The following DNAJB6 variants were observed in gnomAD, a reference collection of about 807,000 sequenced individuals.
DNAJB6 encodes DnaJ heat shock protein family (Hsp40) member B6.
A neutral mutation model predicts 42.7 loss-of-function variants in DNAJB6; 16 were observed. The observed-to-expected ratio is 0.37, with a 90% CI of 0.25 to 0.57. DNAJB6 has a LOEUF of 0.57. Among genes scored for constraint, DNAJB6 ranks in the 20% least tolerant of loss-of-function variants. The probability of loss-of-function intolerance (pLI) is 0.74; values close to 1 mark genes in which losing one functional copy is unlikely to be tolerated. For synonymous variants in DNAJB6, 170 were observed against 163.5 expected, an observed-to-expected ratio of 1.04 and a Z score of -0.30; for missense variants, 347 against 416.8, an observed-to-expected ratio of 0.83 and a Z score of 1.46.
At chr7:157,384,721 C>T (rs1457360043) in intron 6 of DNAJB6, 146 bp from the exon 7 acceptor site, 4 of 749,334 alleles carry the variant, frequency 5.3e-6, no homozygotes, top group East Asian at 2.7e-5. Context: ...AGCACTTCAG[C>T]TGAGGCCTTG....
intron 1 of DNAJB6, among the ~76,000 whole-genome samples, chr7:157,341,112 T>G (rs958377800): frequency 1.3e-5 from 2 of 151,974 alleles, no homozygotes; most frequent in Non-Finnish European, 2.9e-5. Flanking sequence ...GTGAGCCAGG[T>G]GCCTGGCCAG....
intron 1 of DNAJB6, among the ~76,000 whole-genome samples, chr7:157,351,355 A>G (rs60097903): frequency 0.55 from 83,942 of 151,862 alleles, 23,520 homozygotes; most frequent in East Asian, 0.76. Flanking sequence ...TGGGCCGGGC[A>G]CGGTGGCTCA....
At chr7:157,411,594 C>G (rs1385875513) in intron 9 of DNAJB6, 1 of 152,314 alleles carries the variant, frequency 6.6e-6, no homozygotes, top group Non-Finnish European at 1.5e-5. Flanking sequence ...GCTGTAGTGT[C>G]CCTGAACCAC....
At chr7:157,396,011 G>C (rs1030234705) in intron 8 of DNAJB6, among the ~76,000 whole-genome samples, 9 of 149,020 alleles carry the variant, frequency 6.0e-5, no homozygotes, top group Non-Finnish European at 1.3e-4. Flanking sequence ...GCAGTGAAGT[G>C]AACTCGGCTC....
intron 1 of DNAJB6, among the ~76,000 whole-genome samples, chr7:157,342,705 G>C (rs558535113): frequency 6.6e-6 from 1 of 151,964 alleles, no homozygotes; most frequent in Non-Finnish European, 1.5e-5. Context: ...CACCTTCCTC[G>C]ACCTTCCAAA....
At chr7:157,404,068 G>A (rs1364266553) in intron 8 of DNAJB6, among the ~76,000 whole-genome samples, 2 of 149,190 alleles carry the variant, frequency 1.3e-5, no homozygotes, top group African/African-American at 5.0e-5. Flanking sequence ...CTAGGCTCAA[G>A]CCGTCCTCCC....
intron 8 of DNAJB6, among the ~76,000 whole-genome samples, chr7:157,405,414 A>T (rs998542338): frequency 6.6e-6 from 1 of 151,878 alleles, no homozygotes; most frequent in East Asian, 1.9e-4. Flanking sequence ...GTGCATTCCC[A>T]TATCTTGTGA....
At chr7:157,376,515 G>C (rs774293732) in intron 5 of DNAJB6, among the ~76,000 whole-genome samples, 2 of 152,218 alleles carry the variant, frequency 1.3e-5, no homozygotes, top group Non-Finnish European at 2.9e-5. Flanking sequence ...AAGTGACCAT[G>C]CTGGTGACAC....
At chr7:157,351,961 T>C (rs1312817934) in intron 1 of DNAJB6, among the ~76,000 whole-genome samples, 1 of 151,898 alleles carries the variant, frequency 6.6e-6, no homozygotes, top group Non-Finnish European at 1.5e-5. Flanking sequence ...TGCTGCTGCA[T>C]TCCAGCCTGG....
At chr7:157,354,902 T>A (rs1325012855) in intron 1 of DNAJB6, among the ~76,000 whole-genome samples, 1 of 152,044 alleles carries the variant, frequency 6.6e-6, no homozygotes, top group Non-Finnish European at 1.5e-5. Flanking sequence ...ACCAGGTATG[T>A]AGGAGGTGGG....
intron 1 of DNAJB6, among the ~76,000 whole-genome samples, chr7:157,343,671 A>G (rs541327251): frequency 5.4e-4 from 81 of 150,416 alleles, no homozygotes; most frequent in African/African-American, 1.9e-3. Context: ...CTGTTCTCAA[A>G]CTCCTGACCC....
In DNAJB6 at chr7:157,337,215, C is replaced by T. The variant is rs887102779; in HGVS notation, c.-27+71C>T. ...CGCGCGCCCGGCAGACGGCGGACCT[C>T]ACCCGGCGCCTGGCAACAGCGCGGG... On this transcript the variant is annotated intron_variant, in intron 1 of 9. Transcript: ENST00000262177. 49 of 152,408 alleles carry T rather than the reference C, an allele frequency of 3.2e-4. 1 individual carries two copies. The highest frequency in any genetic ancestry group is 1.1e-3 in the African/African-American group (46 of 41,570). 9.4% of individuals were successfully genotyped at this position (152,408 alleles called of 1,614,324 possible). A position where few individuals can be genotyped will look rare whatever the true frequency, so the allele number is the denominator to read the frequency against.
At chr7:157,343,045 G>A (rs1192836854) in intron 1 of DNAJB6, among the ~76,000 whole-genome samples, 1 of 151,492 alleles carries the variant, frequency 6.6e-6, no homozygotes, top group African/African-American at 2.4e-5. Flanking sequence ...AGGCTGGAGT[G>A]CAGCGGCGTG....
chr7:157,354,432 C>T (rs1028283181), intron 1 of DNAJB6, among the ~76,000 whole-genome samples: 6 of 152,128 alleles, frequency 3.9e-5, no homozygotes, highest in African/African-American at 1.4e-4. Context: ...CAGGTGTGAG[C>T]CGCTGTGCCC....
chr7:157,400,098 TAGA>T (rs1214598615), intron 8 of DNAJB6, among the ~76,000 whole-genome samples: 24 of 152,366 alleles, frequency 1.6e-4, no homozygotes, highest in African/African-American at 5.5e-4. Flanking sequence ...AAACATGAAG[TAGA>T]TATTGATCAC....
At chr7:157,365,956 G>A (rs542074363) in intron 3 of DNAJB6, among the ~76,000 whole-genome samples, 4 of 121,274 alleles carry the variant, frequency 3.3e-5, no homozygotes, top group South Asian at 5.5e-4. Context: ...GAGCTACCTC[G>A]CGTGGCTAAG....
intron 8 of DNAJB6, among the ~76,000 whole-genome samples, 164 bp from the exon 9 acceptor site, chr7:157,409,631 C>A (rs1008261180): frequency 3.3e-5 from 5 of 152,256 alleles, no homozygotes; most frequent in African/African-American, 1.2e-4. Flanking sequence ...TAAGTTCTGG[C>A]CCCAGTGGCG....
At chr7:157,338,077 G>A (rs900905476) in intron 1 of DNAJB6, among the ~76,000 whole-genome samples, 2 of 152,174 alleles carry the variant, frequency 1.3e-5, no homozygotes, top group Non-Finnish European at 2.9e-5. Flanking sequence ...TTATTGAGTT[G>A]CGAATTTTAG....
At chr7:157,352,593 C>T (rs1799049689) in intron 1 of DNAJB6, among the ~76,000 whole-genome samples, 2 of 152,042 alleles carry the variant, frequency 1.3e-5, no homozygotes, top group South Asian at 2.1e-4. Context: ...TGTGCTCAGG[C>T]GGCTGTCTGT....
Sources: gnomAD v4.1 joint callset for allele counts (sites outside exome capture counted in the v4.1 genomes callset) on GRCh38, gnomAD v4.1.1 for gene constraint, MANE v1.5 for transcripts, NCBI Gene and HGNC (gene_info 2026-07-23, HGNC 2026-07-21) for gene names.